MTM1: variants seen among roughly 807,000 people sequenced by gnomAD.
MTM1 encodes the protein myotubularin.
In MTM1, 9 loss-of-function variants were observed where a neutral mutation model predicts 52.1. The observed-to-expected ratio is 0.17, with a 90% CI of 0.10 to 0.30. The LOEUF (loss-of-function observed/expected upper bound fraction) is 0.30, where lower values mean the gene tolerates loss of function less well. Ranked by LOEUF, MTM1 falls within the 10% of genes least tolerant of loss-of-function variation. The pLI, the probability that MTM1 is intolerant of heterozygous loss-of-function variation, is 1.00. For missense variants in MTM1, 277 were observed against 470.7 expected (o/e 0.59, Z 3.81); for synonymous variants, 136 against 163.8 (o/e 0.83, Z 1.29).
At chrX:150,590,741 C>T (rs187309693) in intron 1 of MTM1, among the ~76,000 whole-genome samples, 1 of 111,717 alleles carries the variant, frequency 9.0e-6, no homozygotes. Flanking sequence ...AGGGTGGTGA[C>T]GTTGACTGAG....
At chrX:150,603,037 C>T (rs2039092528) in intron 4 of MTM1, among the ~76,000 whole-genome samples, 1 of 111,963 alleles carries the variant, frequency 8.9e-6, no homozygotes, top group Non-Finnish European at 1.9e-5. Context: ...GCCAGTGTAG[C>T]AAGTCATAGA....
rs151172528 is a variant in MTM1 at position 150,619,288 on chromosome X, T to C, written c.444+149T>C. ...CAGAGGTGTTTATTAAATAATTTCA[T>C]CATTTCCAGAGGGAACAGGTCTCTC... On this transcript the variant is annotated intron_variant, in intron 6 of 14. Coordinates refer to ENST00000370396, the MANE Select transcript of MTM1 (RefSeq NM_000252.3). 2.3e-3 allele frequency: 1,204 copies of C among 514,319 alleles called. 1 individual carries two copies. The highest frequency in any genetic ancestry group is 0.012 in the Middle Eastern group (28 of 2,268). The allele number at this position is 514,319 out of a possible 1,213,427, so 42.4% of individuals were successfully genotyped here.
Position 150,638,945 on chromosome X carries a change from A to G in MTM1, c.447A>G (p.Pro149=), listed in dbSNP as rs782149231. The stretch of plus-strand genomic sequence containing the variant: ...TATTTATTTTTTGCCTTTTCTAGCC[A>G]TTATTTGCATTTTTAAATGAAGAAA... ...RYAFPLAHSL[P]LFAFLNEEKF... Residue 149 remains proline (P), a splice_region_variant and synonymous_variant, in exon 7 of 15, where the codon CCA becomes CCG. Coordinates refer to ENST00000370396, the MANE Select transcript of MTM1 (RefSeq NM_000252.3). 20 of 1,196,686 alleles carry G rather than the reference A, an allele frequency of 1.7e-5. No homozygotes were observed. Among genetic ancestry groups the G allele is most frequent in the Admixed American group, 2.2e-5 (1 of 45,737 alleles).
chrX:150,565,237 G>A (rs1166895038), upstream of MTM1, among the ~76,000 whole-genome samples: 1 of 111,388 alleles, frequency 9.0e-6, no homozygotes, highest in African/African-American at 3.3e-5. Context: ...GACCCTGGGA[G>A]GTGGCATTCA....
chrX:150,622,138 C>T (rs3819627), intron 6 of MTM1, among the ~76,000 whole-genome samples: 11,544 of 106,654 alleles, frequency 0.11, 589 homozygotes, highest in African/African-American at 0.18. Flanking sequence ...ATTTTTCATA[C>T]CTGTGCTGAG....
At chrX:150,667,275 C>G (rs1321555007) in intron 14 of MTM1, among the ~76,000 whole-genome samples, 2 of 111,717 alleles carry the variant, frequency 1.8e-5, no homozygotes, top group Non-Finnish European at 3.8e-5. Flanking sequence ...CTTCTTCAGG[C>G]ACTCAGGTAT....
At chrX:150,588,652 C>G (rs1267663963) in intron 1 of MTM1, among the ~76,000 whole-genome samples, 1 of 111,683 alleles carries the variant, frequency 9.0e-6, no homozygotes, top group Non-Finnish European at 1.9e-5. Context: ...CAATCCCAGC[C>G]CCCTGTACTG....
intron 4 of MTM1, among the ~76,000 whole-genome samples, chrX:150,608,465 T>C (rs2039210277): frequency 8.9e-6 from 1 of 112,137 alleles, no homozygotes; most frequent in Non-Finnish European, 1.9e-5. Flanking sequence ...GCGATCCGCC[T>C]GCCTCCGCCT....
chrX:150,608,528 A>AT (rs1437108874), intron 4 of MTM1, among the ~76,000 whole-genome samples: 2 of 111,317 alleles, frequency 1.8e-5, no homozygotes, highest in Non-Finnish European at 1.9e-5. Flanking sequence ...CCTTTAATTT[A>AT]TTTTTTAATT....
chrX:150,615,542 T>G (rs782453527), intron 5 of MTM1, among the ~76,000 whole-genome samples: 52 of 110,959 alleles, frequency 4.7e-4, no homozygotes, highest in Admixed American at 1.2e-3. Context: ...TGCTGGCCCC[T>G]GGCCAATCCA....
chrX:150,571,612 TAAGAA>T (rs2038377927), intron 1 of MTM1, among the ~76,000 whole-genome samples: 1 of 112,718 alleles, frequency 8.9e-6, no homozygotes. Context: ...CTTTTGTTTT[TAAGAA>T]AATACATTAT....
At chrX:150,566,668 G>T (rs181218531), upstream of MTM1, among the ~76,000 whole-genome samples, 202 of 110,826 alleles carry the variant, frequency 1.8e-3, 1 homozygote, top group African/African-American at 6.3e-3. Context: ...CTTAGGATGA[G>T]ACCATCCCTG....
At chrX:150,582,604 G>T (rs1212168065) in intron 1 of MTM1, among the ~76,000 whole-genome samples, 2 of 111,377 alleles carry the variant, frequency 1.8e-5, no homozygotes, top group African/African-American at 6.5e-5. Context: ...TTATGAAAGA[G>T]GAAAGCACCA....
At chrX:150,614,188 A>G (rs1341488902) in intron 4 of MTM1, among the ~76,000 whole-genome samples, 1 of 112,212 alleles carries the variant, frequency 8.9e-6, no homozygotes, top group African/African-American at 3.2e-5. Flanking sequence ...CATTCTAGGC[A>G]AAGGGAACAC....
chrX:150,595,807 G>A lies in MTM1; in HGVS notation c.64-691G>A, dbSNP rs782363551. 2.7e-5 allele frequency among the ~76,000 whole-genome samples: 3 copies of A among 112,493 alleles called. No individual in the cohort carries two copies. The South Asian group carries it at 1.1e-3, about 41-fold the overall frequency. On this transcript the variant is annotated intron_variant, in intron 2 of 14. Coordinates refer to ENST00000370396, the MANE Select transcript of MTM1 (RefSeq NM_000252.3). ...GCCCACCTAGCAGAGCTGTGGAAGT[G>A]ATTGAATGAGGCACATGCTTGGGAA... is the stretch of plus-strand genomic sequence containing the variant.
At chrX:150,615,556 C>T (rs1477085597) in intron 5 of MTM1, among the ~76,000 whole-genome samples, 3 of 110,564 alleles carry the variant, frequency 2.7e-5, no homozygotes, top group Non-Finnish European at 5.7e-5. Context: ...CAATCCAAGT[C>T]GTTCATTGTA....
intron 9 of MTM1, among the ~76,000 whole-genome samples, chrX:150,646,311 A>G (rs1045382085): frequency 2.7e-4 from 30 of 113,002 alleles, no homozygotes; most frequent in African/African-American, 9.3e-4. Context: ...TCTCATTTAC[A>G]TAAGATAATT....
chrX:150,617,345 C>T (rs1603155967), intron 5 of MTM1, among the ~76,000 whole-genome samples: 1 of 112,211 alleles, frequency 8.9e-6, no homozygotes. Context: ...GAATGCTCAG[C>T]TCTCCAGTAT....
At chrX:150,647,524 C>T (rs2039955444) in intron 9 of MTM1, among the ~76,000 whole-genome samples, 2 of 111,592 alleles carry the variant, frequency 1.8e-5, no homozygotes, top group Admixed American at 1.9e-4. Flanking sequence ...CTCCGCTAGT[C>T]GCTAATATCC....
Sources: allele counts gnomAD v4.1 joint callset (sites outside exome capture counted in the v4.1 genomes callset), GRCh38; gene constraint gnomAD v4.1.1; transcripts MANE v1.5; gene names NCBI Gene and HGNC (gene_info 2026-07-23, HGNC 2026-07-21).